The following ZNF653 variants were observed in gnomAD, a reference collection of about 807,000 sequenced individuals.
The protein encoded by ZNF653 is 67 kDa zinc finger protein.
Under a neutral mutation model 59.9 loss-of-function variants are expected in ZNF653, and 37 were observed. The observed-to-expected ratio is 0.62, with a 90% CI of 0.48 to 0.81. ZNF653 has a LOEUF of 0.81. Ranked by LOEUF, ZNF653 falls within the 40% of genes least tolerant of loss-of-function variation. ZNF653 has a pLI of 0.00. For missense variants in ZNF653, 808 were observed against 881.1 expected (o/e 0.92, Z 1.05); for synonymous variants, 435 against 371.8 (o/e 1.17, Z -1.96).
intron 3 of ZNF653, among the ~76,000 whole-genome samples, chr19:11,489,795 C>G (rs1971511192): frequency 1.3e-5 from 2 of 152,192 alleles, no homozygotes; most frequent in South Asian, 4.1e-4. Context: ...CTCTTAGCCC[C>G]CAGACCCACG....
At chr19:11,500,629 C>A in intron 1 of ZNF653, 1 of 152,450 alleles carries the variant, frequency 6.6e-6, no homozygotes, top group Non-Finnish European at 1.5e-5. Context: ...CCACCATGCC[C>A]TGCCCCAAAC....
chr19:11,489,453 C>T (rs1971508219), intron 3 of ZNF653, among the ~76,000 whole-genome samples: 1 of 152,166 alleles, frequency 6.6e-6, no homozygotes, highest in Non-Finnish European at 1.5e-5. Context: ...CCCGCCCGGG[C>T]CTCCCAAAGT....
At position 11,483,821 on chromosome 19, in the gene ZNF653, G is replaced by A. The variant is rs761032330; in HGVS notation, c.1709C>T (p.Ser570Leu). The A allele has an allele frequency of 3.7e-6, 6 of 1,606,212 alleles. No individual in the cohort carries two copies. In the Admixed American group the frequency reaches 8.4e-5, roughly 23 times the overall value. The change falls in exon 9 of 9, where the codon TCG (serine) becomes TTG (leucine). Residue 570 changes from serine to leucine, a missense_variant. Ser to Leu is a moderately radical substitution (Grantham distance 145). Coordinates refer to ENST00000293771, the MANE Select transcript of ZNF653 (RefSeq NM_138783.4). Reference protein sequence around the residue: ...ICGYQCRQRASLNWHMKKHTA... With the variant: ...ICGYQCRQRALLNWHMKKHTA... ...GTGCTTCTTCATGTGCCAGTTGAGC[G>A]ACGCGCGCTGCCGGCACTGGTAGCC...
intron 3 of ZNF653, among the ~76,000 whole-genome samples, chr19:11,488,818 G>A (rs1163223466): frequency 6.6e-6 from 1 of 151,126 alleles, no homozygotes; most frequent in African/African-American, 2.4e-5. Context: ...GGATGGTCTC[G>A]ATCTCCTGAC....
At position 11,505,792 on chromosome 19, in the gene ZNF653, C is replaced by T. The variant is rs1306614369; in HGVS notation, c.-6G>A. The T allele has an allele frequency of 2.1e-5, 29 of 1,396,064 alleles. No individual in the cohort carries two copies. The highest frequency in any genetic ancestry group is 2.7e-5 in the Non-Finnish European group (29 of 1,085,386). The allele number at this position is 1,396,064 out of a possible 1,614,324, so 86.5% of individuals were successfully genotyped here. A position where few individuals can be genotyped will look rare whatever the true frequency, so the allele number is the denominator to read the frequency against. ...TCTAGCGCCCGCTCCGCCATCCCCCCCACCCTGGTTACCAGCCTCCCCCGT... is the reference window on the plus strand; with the variant it reads ...TCTAGCGCCCGCTCCGCCATCCCCCTCACCCTGGTTACCAGCCTCCCCCGT... On this transcript the variant is annotated 5_prime_UTR_variant, in exon 1 of 9. Coordinates refer to ENST00000293771, the MANE Select transcript of ZNF653 (RefSeq NM_138783.4).
At chr19:11,505,146 G>A (rs1311960833) in intron 1 of ZNF653, 1 of 252,892 alleles carries the variant, frequency 4.0e-6, no homozygotes, top group Non-Finnish European at 7.5e-6. Context: ...GACCGGTGAG[G>A]GGGCGGGGCT....
At chr19:11,485,834 A>G (rs62131158) in intron 6 of ZNF653, 64 bp from the exon 7 acceptor site, 82,275 of 1,320,040 alleles carry the variant, frequency 0.062, 2,971 homozygotes, top group Non-Finnish European at 0.074. Flanking sequence ...GGAGGTGGGG[A>G]GAGATGAGGG....
At chr19:11,505,227 C>A in intron 1 of ZNF653, 2 of 424,588 alleles carry the variant, frequency 4.7e-6, no homozygotes, top group Non-Finnish European at 8.3e-6. Context: ...CGCCAGAGTT[C>A]TAGCGGGCGG....
chr19:11,491,971 G>T (rs148576962), intron 3 of ZNF653, among the ~76,000 whole-genome samples: 80 of 152,190 alleles, frequency 5.3e-4, no homozygotes, highest in Admixed American at 1.0e-3. Context: ...GGAATTTCCT[G>T]ACCATTCTGT....
At chr19:11,489,183 AGCCACCACATCTG>A (rs1971504752) in intron 3 of ZNF653, among the ~76,000 whole-genome samples, 1 of 150,946 alleles carries the variant, frequency 6.6e-6, no homozygotes, top group Non-Finnish European at 1.5e-5. Context: ...TATAGTCATG[AGCCACCACATCTG>A]GCCCGATTTT....
chr19:11,504,082 G>A (rs1971676497), intron 1 of ZNF653, among the ~76,000 whole-genome samples: 1 of 152,086 alleles, frequency 6.6e-6, no homozygotes, highest in South Asian at 2.1e-4. Context: ...TCCACTCTGG[G>A]CGAGAGAGTG....
chr19:11,483,662 G>A lies in ZNF653; in HGVS notation c.*20C>T. 1 of 1,603,742 alleles carries A rather than the reference G, an allele frequency of 6.2e-7. No individual in the cohort carries two copies. The highest frequency in any genetic ancestry group is 8.5e-7 in the Non-Finnish European group (1 of 1,171,574). ...TGTCCGAGCGGACGAATAAATAGGG[G>A]CGGTCAGTGGTCAGGTGGGTCAGGT... On this transcript the variant is annotated 3_prime_UTR_variant, in exon 9 of 9. Transcript: ENST00000293771.
chr19:11,486,671 T>G, intron 6 of ZNF653, 98 bp downstream of exon 6: 1 of 1,060,300 alleles, frequency 9.4e-7, no homozygotes, highest in Non-Finnish European at 1.4e-6. Context: ...GGACACCTCG[T>G]CAAATTTCAA....
At chr19:11,494,498 C>T (rs1027867283) in intron 3 of ZNF653, among the ~76,000 whole-genome samples, 4 of 151,818 alleles carry the variant, frequency 2.6e-5, no homozygotes, top group Non-Finnish European at 4.4e-5. Context: ...CAAGACCAGC[C>T]GGCCAACATG....
chr19:11,486,643 C>T, intron 6 of ZNF653, 126 bp downstream of exon 6: 1 of 761,076 alleles, frequency 1.3e-6, no homozygotes, highest in Non-Finnish European at 2.1e-6. Flanking sequence ...TGTGACAAGT[C>T]CCTGTCTTTG....
chr19:11,502,925 T>G (rs1351405831), intron 1 of ZNF653, among the ~76,000 whole-genome samples: 1 of 151,694 alleles, frequency 6.6e-6, no homozygotes, highest in Non-Finnish European at 1.5e-5. Context: ...TCCCAGCTAC[T>G]CGGGAGGCTG....
chr19:11,499,609 AT>A (rs1168267428), intron 1 of ZNF653, among the ~76,000 whole-genome samples: 2 of 145,898 alleles, frequency 1.4e-5, no homozygotes, highest in African/African-American at 2.7e-5. Context: ...TATTTATACA[AT>A]TAAAAAAAAA....
Position 11,484,138 on chromosome 19 carries a change from AC to A in ZNF653, c.1573del (p.Val525SerfsTer51). ...LRRHMIIHSG[V>X]REFTCETCGK... ...GCAGGTCTCGCAGGTGAATTCACGGACACCTGGGGGCGGTGGGGACCGAGGC... is the reference window on the plus strand; with the variant it reads ...GCAGGTCTCGCAGGTGAATTCACGGAACCTGGGGGCGGTGGGGACCGAGGC... On this transcript the variant is annotated frameshift_variant and splice_region_variant, in exon 8 of 9. Coordinates refer to ENST00000293771, the MANE Select transcript of ZNF653 (RefSeq NM_138783.4). LOFTEE classifies it high-confidence loss of function. The A allele has an allele frequency of 6.4e-7, 1 of 1,552,228 alleles. No homozygotes were observed. The highest frequency in any genetic ancestry group is 8.7e-7 in the Non-Finnish European group (1 of 1,147,496).
Position 11,505,644 on chromosome 19 carries a change from C to G in ZNF653, c.143G>C (p.Arg48Pro). Residue 48 changes from arginine (R) to proline (P), a missense_variant, in exon 1 of 9, where the codon CGG becomes CCG. By Grantham distance (103) the Arg-to-Pro change is moderately radical. Transcript: ENST00000293771. ...GTCGTACTTCTTCCGGGACTCGAGC[C>G]GTCGCCGGGCCCGGTCCGACTCCGT... ...RLTESDRARR[R>P]LESRKKYDVR... 6.7e-7 allele frequency: 1 copy of G among 1,498,390 alleles called. No homozygotes were observed. 92.8% of individuals were successfully genotyped at this position (1,498,390 alleles called of 1,614,324 possible).
Sources: gnomAD v4.1 joint callset for allele counts (sites outside exome capture counted in the v4.1 genomes callset) on GRCh38, gnomAD v4.1.1 for gene constraint, MANE v1.5 for transcripts, NCBI Gene and HGNC (gene_info 2026-07-23, HGNC 2026-07-21) for gene names.